The following KTN1 variants were observed in gnomAD, a reference collection of about 807,000 sequenced individuals.
The protein encoded by KTN1 is kinectin 1.
KTN1 carries 130 observed loss-of-function variants against 222.5 expected under a neutral mutation model. That is an observed-to-expected ratio of 0.58 (90% CI 0.51 to 0.68). KTN1 has a LOEUF of 0.68. Ranked by LOEUF, KTN1 falls within the 30% of genes least tolerant of loss-of-function variation. KTN1 has a pLI of 0.00. For synonymous variants in KTN1, 512 were observed against 496.3 expected (o/e 1.03, Z -0.42); for missense variants, 1,508 against 1,500.4 (o/e 1.01, Z -0.08).
chr14:55,611,127 C>T (rs2037493477), intron 1 of KTN1, among the ~76,000 whole-genome samples: 1 of 152,100 alleles, frequency 6.6e-6, no homozygotes, highest in Non-Finnish European at 1.5e-5. Context: ...TGCTCTGTTG[C>T]CCAGGCTTGG....
rs1362509849 is a variant in KTN1 at position 55,664,061 on chromosome 14, G to GA, written c.3177+23dup. Reference sequence around the variant, plus strand: ...TCCAAGGTTGTAATGCTAACTCCTAGAAACAATCCACTGAACAGAGAAAAT... The same window carrying GA: ...TCCAAGGTTGTAATGCTAACTCCTAGAAAACAATCCACTGAACAGAGAAAAT... On this transcript the variant is annotated intron_variant, in intron 33 of 43. Transcript: ENST00000395314. 2.6e-6 allele frequency: 4 copies of GA among 1,546,686 alleles called. No individual in the cohort carries two copies. The African/African-American group carries it at 5.5e-5, about 21-fold the overall frequency.
rs1334080206 is a variant in KTN1 at position 55,641,885 on chromosome 14, CT to C, written c.2172+128del. On this transcript the variant is annotated intron_variant, in intron 18 of 43. Coordinates refer to ENST00000395314, the MANE Select transcript of KTN1 (RefSeq NM_001079521.2). ...TAAGCTTAGATATGGCTGTTATTGC[CT>C]TTCTATTCATCCTGTATCTAAATTC... The C allele has an allele frequency of 4.5e-6, 3 of 664,510 alleles. No individual in the cohort carries two copies. The East Asian group carries it at 7.8e-5, about 17-fold the overall frequency. 41.2% of individuals were successfully genotyped at this position (664,510 alleles called of 1,614,324 possible).
Position 55,641,219 on chromosome 14 carries a change from A to G in KTN1, c.2103+11A>G. ...ATGGAAGAATTTAAGGTGTGTGATTAAGCTTGTACACTCAGGTTTCTTAGA... is the reference window on the plus strand; with the variant it reads ...ATGGAAGAATTTAAGGTGTGTGATTGAGCTTGTACACTCAGGTTTCTTAGA... On this transcript the variant is annotated intron_variant, in intron 17 of 43. Coordinates refer to ENST00000395314, the MANE Select transcript of KTN1 (RefSeq NM_001079521.2). 6.7e-7 allele frequency: 1 copy of G among 1,500,730 alleles called. No homozygotes were observed. The highest frequency in any genetic ancestry group is 9.1e-7 in the Non-Finnish European group (1 of 1,100,706). 93.0% of individuals were successfully genotyped at this position (1,500,730 alleles called of 1,614,324 possible). A position where few individuals can be genotyped will look rare whatever the true frequency, so the allele number is the denominator to read the frequency against.
At chr14:55,617,556 G>T (rs1228242603) in intron 3 of KTN1, among the ~76,000 whole-genome samples, 1 of 152,162 alleles carries the variant, frequency 6.6e-6, no homozygotes, top group Non-Finnish European at 1.5e-5. Context: ...CAAGTACAAA[G>T]AACTTGTTTA....
intron 2 of KTN1, among the ~76,000 whole-genome samples, chr14:55,613,117 A>G (rs1156334329): frequency 6.6e-6 from 1 of 152,172 alleles, no homozygotes; most frequent in Non-Finnish European, 1.5e-5. Context: ...GCATTATGCT[A>G]GGTATTAGGG....
At chr14:55,585,097 A>C (rs1455418450) in intron 1 of KTN1, among the ~76,000 whole-genome samples, 5 of 143,086 alleles carry the variant, frequency 3.5e-5, no homozygotes, top group Non-Finnish European at 7.5e-5. Context: ...GTGCGACTGC[A>C]CTCCAGCCTG....
chr14:55,595,936 T>G (rs185987459), intron 1 of KTN1, among the ~76,000 whole-genome samples: 1 of 152,090 alleles, frequency 6.6e-6, no homozygotes, highest in Admixed American at 6.5e-5. Flanking sequence ...GGGCGGATCA[T>G]GAGGTCAGGA....
At chr14:55,588,624 CA>C (rs2033509044) in intron 1 of KTN1, among the ~76,000 whole-genome samples, 1 of 152,094 alleles carries the variant, frequency 6.6e-6, no homozygotes, top group Admixed American at 6.6e-5. Context: ...ACAGTAATAC[CA>C]ACAGGAGGTG....
intron 13 of KTN1, among the ~76,000 whole-genome samples, chr14:55,639,630 G>T (rs1274583858): frequency 1.3e-5 from 2 of 151,580 alleles, no homozygotes; most frequent in Non-Finnish European, 3.0e-5. Flanking sequence ...GTATAATTTT[G>T]CATGGACACT....
intron 1 of KTN1, among the ~76,000 whole-genome samples, chr14:55,582,890 A>G (rs770457291): frequency 6.6e-5 from 10 of 152,198 alleles, no homozygotes; most frequent in East Asian, 1.9e-4. Context: ...AGGTAAATCC[A>G]GAGTATACTT....
chr14:55,594,546 T>C (rs976393744), intron 1 of KTN1, among the ~76,000 whole-genome samples: 2 of 151,690 alleles, frequency 1.3e-5, no homozygotes, highest in African/African-American at 4.8e-5. Context: ...GTATCCATTG[T>C]TGTGTGAAAT....
At chr14:55,667,409 A>G in intron 34 of KTN1, 79 bp downstream of exon 34, 1 of 768,990 alleles carries the variant, frequency 1.3e-6, no homozygotes, top group Non-Finnish European at 2.1e-6. Context: ...TTTGCACTCC[A>G]CTTGGTTTCA....
intron 33 of KTN1, among the ~76,000 whole-genome samples, chr14:55,664,992 A>T (rs2044555532): frequency 6.8e-6 from 1 of 147,174 alleles, no homozygotes; most frequent in Non-Finnish European, 1.5e-5. Context: ...AGTTCTGTAA[A>T]TTTTTTTTTT....
At chr14:55,649,495 A>G (rs915143824) in intron 21 of KTN1, among the ~76,000 whole-genome samples, 1 of 152,138 alleles carries the variant, frequency 6.6e-6, no homozygotes. Flanking sequence ...GCAGTTTCTT[A>G]GTTGTGTTTT....
intron 4 of KTN1, among the ~76,000 whole-genome samples, chr14:55,618,896 A>G (rs1374691163): frequency 5.3e-5 from 8 of 151,924 alleles, no homozygotes; most frequent in Non-Finnish European, 1.2e-4. Context: ...ATTAGCACAT[A>G]CTAGACACCT....
At chr14:55,637,123 A>G (rs1300649420) in intron 10 of KTN1, 75 bp from the exon 11 acceptor site, 11 of 1,057,134 alleles carry the variant, frequency 1.0e-5, no homozygotes, top group South Asian at 1.8e-5. Context: ...AGAGGAGAGA[A>G]TGCCTACACG....
At chr14:55,631,367 T>TATATATATATATATATA (rs1555371466) in intron 7 of KTN1, among the ~76,000 whole-genome samples, 1 of 146,682 alleles carries the variant, frequency 6.8e-6, no homozygotes, top group Non-Finnish European at 1.5e-5. Context: ...TATATATATA[T>TATATATATATATATATA]ATGTATTTTT....
In KTN1 at chr14:55,659,684, C is replaced by G. The variant is rs1436018799; in HGVS notation, c.2980C>G (p.His994Asp). 4.0e-6 allele frequency: 6 copies of G among 1,502,330 alleles called. No individual in the cohort carries two copies. Among genetic ancestry groups the G allele is most frequent in the Non-Finnish European group, 5.6e-6 (6 of 1,080,026 alleles). 93.1% of individuals were successfully genotyped at this position (1,502,330 alleles called of 1,614,324 possible). A position where few individuals can be genotyped will look rare whatever the true frequency, so the allele number is the denominator to read the frequency against. Residue 994 changes from histidine to aspartate, a missense_variant, in exon 31 of 44, where the codon CAT (histidine) becomes GAT (aspartate). Coordinates refer to ENST00000395314, the MANE Select transcript of KTN1 (RefSeq NM_001079521.2). ...TTGATAGGCATCTTCTTTTCCCCCT[C>G]ATGAAGAATTATTAAAAGTGTAAGT... is the stretch of plus-strand genomic sequence containing the variant. ...NYQQASSFPPHEELLKVISER... is the reference protein window; with the variant it reads ...NYQQASSFPPDEELLKVISER...
At chr14:55,588,103 A>G (rs969010355) in intron 1 of KTN1, among the ~76,000 whole-genome samples, 1 of 152,172 alleles carries the variant, frequency 6.6e-6, no homozygotes, top group Admixed American at 6.6e-5. Flanking sequence ...CTTAACTACT[A>G]GTACCCTACT....
Sources: gnomAD v4.1 joint callset for allele counts (sites outside exome capture counted in the v4.1 genomes callset) on GRCh38, gnomAD v4.1.1 for gene constraint, MANE v1.5 for transcripts, NCBI Gene and HGNC (gene_info 2026-07-23, HGNC 2026-07-21) for gene names.